The following ARHGAP32 variants were observed in gnomAD, a reference collection of about 807,000 sequenced individuals.
The protein encoded by ARHGAP32 is Rho GTPase activating protein 32, also known as rho GTPase-activating protein 32.
Under a neutral mutation model 186.5 loss-of-function variants are expected in ARHGAP32, and 51 were observed. That is an observed-to-expected ratio of 0.27 (90% CI 0.22 to 0.35). ARHGAP32 has a LOEUF of 0.35. ARHGAP32 is among the 10% of genes least tolerant of loss of function. The pLI is 1.00. For synonymous variants in ARHGAP32, 950 were observed against 964.3 expected (o/e 0.99, Z 0.27); for missense variants, 2,186 against 2,623.5 (o/e 0.83, Z 3.64).
intron 11 of ARHGAP32, chr11:129,024,006 C>T: frequency 1.0e-6 from 1 of 985,420 alleles, no homozygotes; most frequent in Non-Finnish European, 1.2e-6. Flanking sequence ...CCAACCTCAC[C>T]ACCACAGGTT....
chr11:129,198,269 A>C (rs1222829704), intron 1 of ARHGAP32, among the ~76,000 whole-genome samples: 2 of 152,240 alleles, frequency 1.3e-5, no homozygotes, highest in African/African-American at 2.4e-5. Context: ...AAAACCAGAA[A>C]AAATAGAAAT....
At chr11:129,193,636 ATATGT>A (rs1266747309), upstream of ARHGAP32, among the ~76,000 whole-genome samples, 2 of 81,782 alleles carry the variant, frequency 2.4e-5, no homozygotes, top group South Asian at 2.8e-4. Context: ...TATATATAAT[ATATGT>A]TATATAATAC....
At chr11:129,129,997 T>G (rs1281592069) in intron 2 of ARHGAP32, among the ~76,000 whole-genome samples, 4 of 152,240 alleles carry the variant, frequency 2.6e-5, no homozygotes, top group Admixed American at 2.6e-4. Context: ...TAGTCATATT[T>G]GTATGACATA....
chr11:128,997,022 G>A (rs999183896), intron 12 of ARHGAP32, among the ~76,000 whole-genome samples: 5 of 152,122 alleles, frequency 3.3e-5, no homozygotes. Flanking sequence ...CAAGCTATCT[G>A]CCTGCCTCAG....
intron 17 of ARHGAP32, 80 bp from the exon 18 acceptor site, chr11:128,980,828 A>G (rs918664080): frequency 5.7e-6 from 6 of 1,061,052 alleles, no homozygotes; most frequent in Middle Eastern, 2.2e-4. Flanking sequence ...CTCTCCATCT[A>G]TCTACCTATC....
At chr11:129,038,543 A>G (rs945645540) in intron 11 of ARHGAP32, among the ~76,000 whole-genome samples, 1 of 152,010 alleles carries the variant, frequency 6.6e-6, no homozygotes, top group Non-Finnish European at 1.5e-5. Flanking sequence ...ATATTTGTAA[A>G]TCATTATTAT....
chr11:129,088,995 CAAAAAAAAAAA>C (rs10601798), intron 6 of ARHGAP32, among the ~76,000 whole-genome samples: 1 of 84,768 alleles, frequency 1.2e-5, no homozygotes, highest in Admixed American at 1.3e-4. Context: ...GAGACCTTGT[CAAAAAAAAAAA>C]AAAAAAAAAA....
At chr11:129,265,867 T>C (rs1287945356) in intron 1 of ARHGAP32, among the ~76,000 whole-genome samples, 1 of 152,202 alleles carries the variant, frequency 6.6e-6, no homozygotes, top group African/African-American at 2.4e-5. Context: ...AACATTACTG[T>C]AGTAACTAAA....
chr11:129,037,400 G>A (rs1293023686), intron 11 of ARHGAP32, among the ~76,000 whole-genome samples: 1 of 151,436 alleles, frequency 6.6e-6, no homozygotes, highest in Non-Finnish European at 1.5e-5. Flanking sequence ...AGGCTGAGGT[G>A]GAAAGATGCC....
chr11:129,205,618 T>G (rs1591696055), intron 1 of ARHGAP32, among the ~76,000 whole-genome samples: 1 of 152,146 alleles, frequency 6.6e-6, no homozygotes, highest in Non-Finnish European at 1.5e-5. Flanking sequence ...AGTCATATTG[T>G]TGAAGTAATT....
intron 1 of ARHGAP32, among the ~76,000 whole-genome samples, chr11:129,246,833 G>T (rs2135679647): frequency 6.6e-6 from 1 of 152,262 alleles, no homozygotes; most frequent in African/African-American, 2.4e-5. Flanking sequence ...CCTATCCTCT[G>T]CCTGTTTTCC....
At chr11:129,200,707 AAAAT>A (rs1352904427) in intron 1 of ARHGAP32, among the ~76,000 whole-genome samples, 1 of 152,180 alleles carries the variant, frequency 6.6e-6, no homozygotes, top group African/African-American at 2.4e-5. Flanking sequence ...TAAAATAGAA[AAAAT>A]AATACCTTTA....
At chr11:129,211,786 A>G (rs1198160847) in intron 1 of ARHGAP32, among the ~76,000 whole-genome samples, 2 of 152,242 alleles carry the variant, frequency 1.3e-5, no homozygotes, top group African/African-American at 2.4e-5. Context: ...CATAAAAATT[A>G]AGCCCCAAAA....
chr11:129,121,278 T>C (rs1420343537), intron 5 of ARHGAP32, among the ~76,000 whole-genome samples: 2 of 151,942 alleles, frequency 1.3e-5, no homozygotes, highest in Non-Finnish European at 2.9e-5. Flanking sequence ...AACATAAGCA[T>C]GTAAGTCAAG....
At chr11:129,232,361 C>T (rs1591708874) in intron 1 of ARHGAP32, among the ~76,000 whole-genome samples, 1 of 152,134 alleles carries the variant, frequency 6.6e-6, no homozygotes, top group African/African-American at 2.4e-5. Context: ...TCTAGCCCCA[C>T]TTTTCATGGC....
At chr11:129,234,400 T>C (rs532513950) in intron 1 of ARHGAP32, among the ~76,000 whole-genome samples, 2 of 152,188 alleles carry the variant, frequency 1.3e-5, no homozygotes, top group African/African-American at 4.8e-5. Flanking sequence ...TGTAAAATAG[T>C]CTACTATATA....
intron 9 of ARHGAP32, 65 bp from the exon 10 acceptor site, chr11:129,062,422 G>T: frequency 7.3e-7 from 1 of 1,360,690 alleles, no homozygotes; most frequent in Admixed American, 1.7e-5. Flanking sequence ...GTTATACCTA[G>T]AATTTAAATC....
chr11:129,102,834 C>T (rs1015653507), intron 5 of ARHGAP32, among the ~76,000 whole-genome samples: 9 of 152,062 alleles, frequency 5.9e-5, no homozygotes. Flanking sequence ...ATTATATGAC[C>T]TAGAAGAATT....
chr11:129,208,191 T>C lies in ARHGAP32; in HGVS notation c.-4-43764A>G, dbSNP rs567507194. Among the ~76,000 whole-genome samples the C allele has an allele frequency of 2.0e-5, 3 of 152,270 alleles. No homozygotes were observed. In the East Asian group the frequency reaches 5.8e-4, roughly 29 times the overall value. ...ATTTGGTCAGGAAAGAGGAAACAAC[T>C]TATCTTAGAATGAATTCATCAGTTT... On this transcript the variant is annotated intron_variant, in intron 1 of 6. Transcript: ENST00000525234.
Sources: allele counts gnomAD v4.1 joint callset (sites outside exome capture counted in the v4.1 genomes callset), GRCh38; gene constraint gnomAD v4.1.1; transcripts MANE v1.5; gene names NCBI Gene and HGNC (gene_info 2026-07-23, HGNC 2026-07-21).